Variants in SMAP2 observed in about 807,000 individuals in gnomAD.
The protein encoded by SMAP2 is small ArfGAP2, also known as stromal membrane-associated protein 2.
SMAP2 carries 25 observed loss-of-function variants against 56.4 expected under a neutral mutation model. The ratio of observed to expected loss-of-function variants is 0.44; its 90% CI spans 0.32 to 0.62. The LOEUF is 0.62. Ranked by LOEUF, SMAP2 falls within the 20% of genes least tolerant of loss-of-function variation. SMAP2 has a pLI of 0.04. For missense variants in SMAP2, 388 were observed against 545.6 expected, an observed-to-expected ratio of 0.71 and a Z score of 2.88; for synonymous variants, 157 against 181.7, an observed-to-expected ratio of 0.86 and a Z score of 1.09.
chr1:40,380,317 T>C (rs990810940), intron 1 of SMAP2, among the ~76,000 whole-genome samples: 27 of 152,174 alleles, frequency 1.8e-4, no homozygotes, highest in Admixed American at 2.0e-4. Flanking sequence ...TCTGGATGTT[T>C]CCCGATTTCA....
At chr1:40,365,706 C>G (rs1381276646) in intron 2 of SMAP2, among the ~76,000 whole-genome samples, 1 of 152,152 alleles carries the variant, frequency 6.6e-6, no homozygotes, top group Non-Finnish European at 1.5e-5. Context: ...ATCTGTACAT[C>G]ACCATCATCA....
chr1:40,363,291 TGG>T (rs968112721), intron 2 of SMAP2, among the ~76,000 whole-genome samples: 2 of 152,058 alleles, frequency 1.3e-5, no homozygotes, highest in African/African-American at 2.4e-5. Flanking sequence ...TAAGCAAAGC[TGG>T]GAAGGTAAAT....
rs933503872 is a variant in SMAP2, at chr1:40,393,460, T to C, written c.104-13276T>C. On this transcript the variant is annotated intron_variant, in intron 1 of 9. Coordinates refer to ENST00000372718, the MANE Select transcript of SMAP2 (RefSeq NM_022733.3). The stretch of plus-strand genomic sequence containing the variant: ...GCAAGATTTGCACAAAAAGATGTTT[T>C]GCAAATAGAGGAAATAGGCCCTGTA... 5 of 1,535,428 alleles carry C rather than the reference T, an allele frequency of 3.3e-6. No individual in the cohort carries two copies. In the South Asian group the frequency reaches 5.9e-5, roughly 18 times the overall value.
chr1:40,403,332 C>A (rs929146673), intron 1 of SMAP2, among the ~76,000 whole-genome samples: 1 of 152,076 alleles, frequency 6.6e-6, no homozygotes, highest in Admixed American at 6.5e-5. Flanking sequence ...AAGGCGAAAC[C>A]CCGTCTCTAC....
intron 1 of SMAP2, among the ~76,000 whole-genome samples, chr1:40,393,837 G>A (rs570687563): frequency 1.7e-4 from 26 of 152,212 alleles, no homozygotes; most frequent in Middle Eastern, 3.4e-3. Context: ...GAGGCACCGC[G>A]CCCGGCCACT....
intron 1 of SMAP2, among the ~76,000 whole-genome samples, chr1:40,399,722 AAAGAAAG>A (rs1173980208): frequency 2.0e-5 from 3 of 151,726 alleles, no homozygotes; most frequent in Admixed American, 6.6e-5. Context: ...AAAGAAAAGA[AAAGAAAG>A]AGTGAAAAAA....
At chr1:40,389,216 C>T (rs758335412) in intron 1 of SMAP2, among the ~76,000 whole-genome samples, 1 of 152,220 alleles carries the variant, frequency 6.6e-6, no homozygotes, top group Non-Finnish European at 1.5e-5. Flanking sequence ...TTATGTTGTT[C>T]ATACAGTCCT....
At chr1:40,409,280 TTC>T (rs1219300682) in intron 3 of SMAP2, among the ~76,000 whole-genome samples, 1 of 152,118 alleles carries the variant, frequency 6.6e-6, no homozygotes, top group Non-Finnish European at 1.5e-5. Flanking sequence ...CTTGTTAAGG[TTC>T]TTTTTTTTTT....
chr1:40,393,563 T>TTTC, intron 1 of SMAP2: 3 of 977,792 alleles, frequency 3.1e-6, no homozygotes, highest in Non-Finnish European at 4.2e-6. Flanking sequence ...TTTTTTTTTT[T>TTTC]GTGACAGAGT....
At chr1:40,413,425 C>G (rs542077436) in intron 5 of SMAP2, among the ~76,000 whole-genome samples, 2 of 152,200 alleles carry the variant, frequency 1.3e-5, no homozygotes, top group East Asian at 3.8e-4. Context: ...CCACATTAGT[C>G]CTTCTCTTGT....
intron 1 of SMAP2, among the ~76,000 whole-genome samples, chr1:40,387,194 AC>A (rs58527074): frequency 4.1e-4 from 63 of 152,252 alleles, no homozygotes; most frequent in African/African-American, 1.5e-3. Context: ...TTGAGCTTAT[AC>A]CATAATGATT....
At chr1:40,400,635 G>GTAGT (rs1378108264) in intron 1 of SMAP2, among the ~76,000 whole-genome samples, 2 of 152,136 alleles carry the variant, frequency 1.3e-5, no homozygotes, top group African/African-American at 4.8e-5. Context: ...GGATGGAGGT[G>GTAGT]TAGTTGACTA....
chr1:40,390,360 C>A (rs1032263267), intron 1 of SMAP2, among the ~76,000 whole-genome samples: 1 of 152,152 alleles, frequency 6.6e-6, no homozygotes, highest in Non-Finnish European at 1.5e-5. Context: ...TGCTGAGTTG[C>A]GAAGAGAAAT....
At chr1:40,359,021 A>G (rs1256274783) in intron 1 of SMAP2, among the ~76,000 whole-genome samples, 1 of 152,080 alleles carries the variant, frequency 6.6e-6, no homozygotes, top group Non-Finnish European at 1.5e-5. Flanking sequence ...TCTGTTATAA[A>G]TATAGTTACT....
At chr1:40,347,716 T>C (rs1008239488) in intron 1 of SMAP2, among the ~76,000 whole-genome samples, 1 of 152,198 alleles carries the variant, frequency 6.6e-6, no homozygotes, top group Non-Finnish European at 1.5e-5. Flanking sequence ...GGTATTTTTA[T>C]TGGTTTATAG....
At chr1:40,365,519 G>T (rs1480135823) in intron 2 of SMAP2, among the ~76,000 whole-genome samples, 1 of 152,038 alleles carries the variant, frequency 6.6e-6, no homozygotes, top group Non-Finnish European at 1.5e-5. Flanking sequence ...TCTATAACTG[G>T]ATACATTCGG....
chr1:40,391,823 T>A (rs529362109), intron 1 of SMAP2, among the ~76,000 whole-genome samples: 5 of 152,186 alleles, frequency 3.3e-5, no homozygotes, highest in Admixed American at 6.5e-5. Context: ...TTTAAATATA[T>A]GAGTAGATAC....
In SMAP2 at chr1:40,355,105, G is replaced by A. The variant is rs115822741; in HGVS notation, c.-82-7195G>A. Among the ~76,000 whole-genome samples the A allele has an allele frequency of 1.2e-3, 190 of 152,032 alleles. 1 individual carries two copies. Among genetic ancestry groups the A allele is most frequent in the African/African-American group, 4.4e-3 (183 of 41,472 alleles). On this transcript the variant is annotated intron_variant, in intron 1 of 6. Transcript: ENST00000435168. ...TGAGGTGCACCTGGCCTCATTGAAGGTTTTACAGATCACCCTTATGCTGAT... is the reference window on the plus strand; with the variant it reads ...TGAGGTGCACCTGGCCTCATTGAAGATTTTACAGATCACCCTTATGCTGAT...
chr1:40,371,081 G>A (rs1272577832), upstream of SMAP2, among the ~76,000 whole-genome samples: 1 of 152,068 alleles, frequency 6.6e-6, no homozygotes, highest in Non-Finnish European at 1.5e-5. Context: ...GCTGAGGCAG[G>A]AGAATTGCTT....
Sources: allele counts gnomAD v4.1 joint callset (sites outside exome capture counted in the v4.1 genomes callset), GRCh38; gene constraint gnomAD v4.1.1; transcripts MANE v1.5; gene names NCBI Gene and HGNC (gene_info 2026-07-23, HGNC 2026-07-21).